Variants in BSDC1 observed in about 807,000 individuals in gnomAD.
BSDC1 encodes BSD domain containing 1.
Under a neutral mutation model 56.0 loss-of-function variants are expected in BSDC1, and 29 were observed. The ratio of observed to expected loss-of-function variants is 0.52; its 90% CI spans 0.39 to 0.71. BSDC1 has a LOEUF of 0.71. BSDC1 is among the 30% of genes least tolerant of loss of function. The probability of loss-of-function intolerance (pLI) is 0.00; values close to 1 mark genes in which losing one functional copy is unlikely to be tolerated. For synonymous variants in BSDC1, 210 were observed against 215.3 expected (o/e 0.98, Z 0.21); for missense variants, 477 against 548.5 (o/e 0.87, Z 1.30).
At position 32,383,869 on chromosome 1, in the gene BSDC1, G is replaced by A. The variant is rs762726759; in HGVS notation, c.318C>T (p.Gly106=). 3.1e-6 allele frequency: 5 copies of A among 1,612,318 alleles called. No homozygotes were observed. Among genetic ancestry groups the A allele is most frequent in the Non-Finnish European group, 3.4e-6 (4 of 1,180,032 alleles). Residue 106 remains glycine, a synonymous_variant, in exon 4 of 11, where the codon GGC becomes GGT. Coordinates refer to ENST00000455895, the MANE Select transcript of BSDC1 (RefSeq NM_018045.8). The part of the protein sequence containing the change: ...TIDCDVITLM[G]TPSGTAEPYD... The stretch of plus-strand genomic sequence containing the variant: ...AGGGCTCAGCTGTGCCAGACGGTGT[G>A]CCCATCAGGGTGATGACATCGCAGT...
At chr1:32,371,865 C>G (rs995623293) in intron 9 of BSDC1, among the ~76,000 whole-genome samples, 8 of 151,452 alleles carry the variant, frequency 5.3e-5, no homozygotes, top group African/African-American at 1.9e-4. Flanking sequence ...TAGTCTTGGG[C>G]AAATTATTGT....
chr1:32,384,131 C>G, intron 3 of BSDC1, 134 bp from the exon 4 acceptor site: 1 of 1,271,804 alleles, frequency 7.9e-7, no homozygotes, highest in African/African-American at 1.5e-5. Context: ...CTTCACCCGT[C>G]TCTGGGGCTG....
chr1:32,371,767 A>G (rs1447103872), intron 9 of BSDC1, among the ~76,000 whole-genome samples: 1 of 151,806 alleles, frequency 6.6e-6, no homozygotes, highest in African/African-American at 2.4e-5. Context: ...CATTCCTTCT[A>G]TGGTATCCTG....
intron 2 of BSDC1, 71 bp from the exon 3 acceptor site, chr1:32,386,966 C>G: frequency 8.3e-7 from 1 of 1,201,336 alleles, no homozygotes; most frequent in South Asian, 1.2e-5. Context: ...CCCTGTGTTT[C>G]TTCAGTACCA....
rs1160405981 is a variant in BSDC1, at chr1:32,376,475, C to T, written c.943G>A (p.Glu315Lys). Residue 315 changes from glutamate to lysine, a missense_variant, in exon 9 of 11, where the codon GAG becomes AAG. Coordinates refer to ENST00000455895, the MANE Select transcript of BSDC1 (RefSeq NM_018045.8). ...LSQKLLEASL[E>K]EQGLAVDVGE... ...ACATCCACAGCCAGGCCCTGTTCCT[C>T]CAAGGATGCCTCTAGCAGCTTTTGG... 1.2e-6 allele frequency: 2 copies of T among 1,612,250 alleles called. No individual in the cohort carries two copies. Among genetic ancestry groups the T allele is most frequent in the South Asian group, 2.2e-5 (2 of 90,934 alleles).
chr1:32,393,909 T>C, intron 2 of BSDC1, 171 bp downstream of exon 2: 1 of 621,908 alleles, frequency 1.6e-6, no homozygotes, highest in South Asian at 2.0e-5. Context: ...TCACACTGGT[T>C]TGCGTCGAGG....
intron 3 of BSDC1, 104 bp from the exon 4 acceptor site, chr1:32,384,101 C>T: frequency 2.0e-6 from 3 of 1,528,096 alleles, no homozygotes; most frequent in South Asian, 1.1e-5. Flanking sequence ...TGTTGGGGGA[C>T]CAGGGAAGCG....
chr1:32,368,456 G>A lies in BSDC1; in HGVS notation c.1251C>T (p.Ala417=). Residue 417 remains alanine (A), a synonymous_variant, in exon 10 of 11, where the codon GCC becomes GCT. Transcript: ENST00000455895. ...EVQMALSKVD[A]SGELEDVEWE... ...CACCAGGCCCACTCACCTCCCCGGAGGCATCCACTTTGGAAAGTGCCATCT... is the reference window on the plus strand; with the variant it reads ...CACCAGGCCCACTCACCTCCCCGGAAGCATCCACTTTGGAAAGTGCCATCT... 2 of 1,614,136 alleles carry A rather than the reference G, an allele frequency of 1.2e-6. No individual in the cohort carries two copies. The highest frequency in any genetic ancestry group is 1.7e-6 in the Non-Finnish European group (2 of 1,180,028).
intron 9 of BSDC1, among the ~76,000 whole-genome samples, chr1:32,368,945 C>A (rs969386957): frequency 2.6e-5 from 4 of 152,180 alleles, no homozygotes; most frequent in African/African-American, 9.7e-5. Context: ...ATGATCTGGC[C>A]ACCTCGGCCT....
At position 32,378,749 on chromosome 1, in the gene BSDC1, G is replaced by T. The variant is rs796323784; in HGVS notation, c.503C>A (p.Ser168Tyr). The T allele has an allele frequency of 3.3e-6, 5 of 1,536,284 alleles. No homozygotes were observed. The highest frequency in any genetic ancestry group is 2.5e-5 in the East Asian group (1 of 40,196). ...EISELLVGSPSIRALYTKMVP... is the reference protein window; with the variant it reads ...EISELLVGSPYIRALYTKMVP... ...CATCTTGGTGTAGAGGGCCCGGATG[G>T]AGGGGCTGCCTACAAGGAGCTCTGA... Residue 168 changes from serine (S) to tyrosine (Y), a missense_variant, in exon 6 of 11, where the codon TCC becomes TAC. Ser to Tyr is a moderately radical substitution (Grantham distance 144). Coordinates refer to ENST00000455895, the MANE Select transcript of BSDC1 (RefSeq NM_018045.8). The surrounding 1 kb of genome is among the most constrained non-coding windows in gnomAD (Gnocchi z 5.2).
intron 4 of BSDC1, among the ~76,000 whole-genome samples, chr1:32,383,232 T>C (rs1642548721): frequency 6.6e-6 from 1 of 152,110 alleles, no homozygotes; most frequent in Non-Finnish European, 1.5e-5. Context: ...CACTTGAGCC[T>C]AGGCATTTGA....
chr1:32,371,913 C>A (rs1476157035), intron 9 of BSDC1, among the ~76,000 whole-genome samples: 1 of 152,108 alleles, frequency 6.6e-6, no homozygotes, highest in African/African-American at 2.4e-5. Context: ...ATAAAAGCAA[C>A]CTCTGCAAAG....
rs537750402 is a variant in BSDC1 at position 32,380,647 on chromosome 1, A to AAAAC, written c.412+563_412+566dup. ...GGAGACAGGGTGAGACTCCATCTCA[A>AAAAC]AAACAAACAAACAAACAAACAAACA... On this transcript the variant is annotated intron_variant, in intron 5 of 10. Transcript: ENST00000455895. 4.3e-3 allele frequency among the ~76,000 whole-genome samples: 653 copies of AAAAC among 151,994 alleles called. 1 individual carries two copies. The highest frequency in any genetic ancestry group is 6.0e-3 in the African/African-American group (247 of 41,438).
Position 32,365,507 on chromosome 1 carries a change from G to T in BSDC1, c.*1115C>A, listed in dbSNP as rs535956507. ...CAGATTAGGTACAAGAATCACCAGA[G>T]CAGCATCGTGAAGCACCAGGCTCTC... On this transcript the variant is annotated 3_prime_UTR_variant, in exon 11 of 11. Transcript: ENST00000455895. 6.5e-6 allele frequency: 1 copy of T among 152,726 alleles called. No individual in the cohort carries two copies. The highest frequency in any genetic ancestry group is 2.1e-4 in the South Asian group (1 of 4,812). 9.5% of individuals were successfully genotyped at this position (152,726 alleles called of 1,614,324 possible).
chr1:32,393,814 A>G (rs1642950473), intron 2 of BSDC1: 1 of 470,290 alleles, frequency 2.1e-6, no homozygotes, highest in African/African-American at 2.0e-5. Flanking sequence ...CCTGAGCTGG[A>G]ATAAATTGCT....
chr1:32,385,722 G>A lies in BSDC1; in HGVS notation c.189+1057C>T, dbSNP rs761495871. 9.9e-5 allele frequency among the ~76,000 whole-genome samples: 15 copies of A among 151,794 alleles called. No homozygotes were observed. In the South Asian group the frequency reaches 1.7e-3, roughly 17 times the overall value. On this transcript the variant is annotated intron_variant, in intron 3 of 10. Coordinates refer to ENST00000455895, the MANE Select transcript of BSDC1 (RefSeq NM_018045.8). ...AGCCTGGGCAAGAGAGAGAGACCCC[G>A]TCTCAAAACAATAACCACCACCACC...
At chr1:32,385,228 T>G (rs1321988730) in intron 3 of BSDC1, among the ~76,000 whole-genome samples, 1 of 152,180 alleles carries the variant, frequency 6.6e-6, no homozygotes, top group African/African-American at 2.4e-5. Context: ...CACACTGACT[T>G]TAGAATCTAA....
At chr1:32,383,372 G>C (rs952314130) in intron 4 of BSDC1, among the ~76,000 whole-genome samples, 13 of 151,678 alleles carry the variant, frequency 8.6e-5, no homozygotes, top group Admixed American at 4.6e-4. Context: ...CTTGAGCCTG[G>C]AAAGTCGGGG....
At chr1:32,389,378 AAT>A (rs1642787825) in intron 2 of BSDC1, among the ~76,000 whole-genome samples, 1 of 152,210 alleles carries the variant, frequency 6.6e-6, no homozygotes, top group African/African-American at 2.4e-5. Flanking sequence ...GTACTCAAAA[AAT>A]GTTTGCTTGT....
Sources: gnomAD v4.1 joint callset for allele counts (sites outside exome capture counted in the v4.1 genomes callset) on GRCh38, gnomAD v4.1.1 for gene constraint, Gnocchi (gnomAD v3.1) non-coding constraint, MANE v1.5 for transcripts, NCBI Gene and HGNC (gene_info 2026-07-23, HGNC 2026-07-21) for gene names.